VPS13B: variants seen among roughly 807,000 people sequenced by gnomAD.
VPS13B encodes the protein intermembrane lipid transfer protein VPS13B.
A neutral mutation model predicts 426.4 loss-of-function variants in VPS13B; 285 were observed. The observed-to-expected ratio is 0.67, with a 90% CI of 0.61 to 0.74. The LOEUF (loss-of-function observed/expected upper bound fraction) is 0.74. Among genes scored for constraint, VPS13B ranks in the 30% least tolerant of loss-of-function variants. VPS13B has a pLI of 0.00. For missense variants in VPS13B, 4,537 were observed against 4,782.6 expected (o/e 0.95, Z 1.51); for synonymous variants, 1,676 against 1,676.4 (o/e 1.00, Z 0.01).
chr8:99,076,554 T>C (rs1372436381), intron 3 of VPS13B, among the ~76,000 whole-genome samples: 1 of 152,038 alleles, frequency 6.6e-6, no homozygotes, highest in Non-Finnish European at 1.5e-5. Context: ...GGTGCATATA[T>C]ATTTAGAATT....
intron 3 of VPS13B, among the ~76,000 whole-genome samples, chr8:99,056,684 T>G (rs1843890256): frequency 6.6e-6 from 1 of 152,216 alleles, no homozygotes; most frequent in Admixed American, 6.5e-5. Context: ...CTTCTATTCC[T>G]CATCCTCATT....
chr8:99,547,791 A>G (rs2133745789), intron 30 of VPS13B, among the ~76,000 whole-genome samples: 1 of 152,180 alleles, frequency 6.6e-6, no homozygotes, highest in Admixed American at 6.5e-5. Flanking sequence ...TATAACTCCT[A>G]CATTGTAGCC....
At chr8:99,096,231 C>A in intron 3 of VPS13B, 81 bp from the exon 4 acceptor site, 1 of 1,512,922 alleles carries the variant, frequency 6.6e-7, no homozygotes, top group Non-Finnish European at 9.0e-7. Context: ...CTACCATAAA[C>A]TGCATATATT....
intron 19 of VPS13B, among the ~76,000 whole-genome samples, chr8:99,309,539 AT>A (rs1820835285): frequency 6.6e-6 from 1 of 152,126 alleles, no homozygotes; most frequent in Non-Finnish European, 1.5e-5. Context: ...CCATTGGTCT[AT>A]ATCTCTGTTT....
At chr8:99,362,173 C>T (rs1169011329) in intron 19 of VPS13B, among the ~76,000 whole-genome samples, 3 of 132,982 alleles carry the variant, frequency 2.3e-5, no homozygotes, top group African/African-American at 8.6e-5. Flanking sequence ...GACGGAGTCT[C>T]GCTCTGTCGC....
chr8:99,342,342 T>C (rs1195566991), intron 19 of VPS13B, among the ~76,000 whole-genome samples: 1 of 152,212 alleles, frequency 6.6e-6, no homozygotes. Context: ...ATCTCAACAC[T>C]TATGCCTCCT....
chr8:99,876,828 G>C lies in VPS13B; in HGVS notation c.*1162G>C, dbSNP rs1817721173. ...GTTACCTAGAATTTTGAGATACTAAGAGAATGCAATTTTAAATGCCCACTG... is the reference window on the plus strand; with the variant it reads ...GTTACCTAGAATTTTGAGATACTAACAGAATGCAATTTTAAATGCCCACTG... On this transcript the variant is annotated 3_prime_UTR_variant, in exon 62 of 62. Coordinates refer to ENST00000357162, the MANE Select transcript of VPS13B (RefSeq NM_152564.5). The C allele has an allele frequency of 6.6e-6, 1 of 152,126 alleles. No individual in the cohort carries two copies. Among genetic ancestry groups the C allele is most frequent in the Non-Finnish European group, 1.5e-5 (1 of 68,036 alleles). The allele number at this position is 152,126 out of a possible 1,614,324, so 9.4% of individuals were successfully genotyped here. A position where few individuals can be genotyped will look rare whatever the true frequency, so the allele number is the denominator to read the frequency against.
intron 19 of VPS13B, among the ~76,000 whole-genome samples, chr8:99,324,383 C>T (rs181496290): frequency 3.2e-4 from 49 of 152,252 alleles, no homozygotes; most frequent in Non-Finnish European, 4.1e-4. Context: ...TAATTTAATT[C>T]CAGCATTAGT....
chr8:99,302,128 C>T (rs1820399934), intron 19 of VPS13B, among the ~76,000 whole-genome samples: 1 of 152,118 alleles, frequency 6.6e-6, no homozygotes, highest in Non-Finnish European at 1.5e-5. Flanking sequence ...GTTCTGAAGT[C>T]ATTATTCTAG....
intron 2 of VPS13B, among the ~76,000 whole-genome samples, chr8:99,014,576 C>G (rs1841513766): frequency 6.7e-6 from 1 of 149,644 alleles, no homozygotes; most frequent in Non-Finnish European, 1.5e-5. Context: ...TTTATGTTGT[C>G]AAAATTCTGT....
intron 3 of VPS13B, among the ~76,000 whole-genome samples, chr8:99,055,044 G>GTTT (rs397779213): frequency 0.018 from 2,537 of 141,786 alleles, 42 homozygotes; most frequent in South Asian, 0.034. Flanking sequence ...TTTTTTTTTT[G>GTTT]TTTTTTTTTT....
At chr8:99,101,832 A>G (rs1846768103) in intron 4 of VPS13B, among the ~76,000 whole-genome samples, 1 of 152,232 alleles carries the variant, frequency 6.6e-6, no homozygotes, top group Non-Finnish European at 1.5e-5. Context: ...ACAGAAGTTG[A>G]TTATGTTTTG....
At chr8:99,142,081 TA>T (rs1326035315) in intron 12 of VPS13B, among the ~76,000 whole-genome samples, 1 of 151,944 alleles carries the variant, frequency 6.6e-6, no homozygotes, top group Non-Finnish European at 1.5e-5. Flanking sequence ...ATCAATCAAT[TA>T]ATCTAATTCA....
At chr8:99,085,280 G>A (rs1030893705) in intron 3 of VPS13B, among the ~76,000 whole-genome samples, 13 of 152,034 alleles carry the variant, frequency 8.6e-5, no homozygotes, top group Admixed American at 8.5e-4. Context: ...TGCAACCCCT[G>A]CCTTTTTTTG....
chr8:99,537,085 T>C (rs891086552), intron 30 of VPS13B, among the ~76,000 whole-genome samples: 1 of 152,196 alleles, frequency 6.6e-6, no homozygotes, highest in Non-Finnish European at 1.5e-5. Flanking sequence ...TAATCCTTTT[T>C]TTCAAATAAT....
At chr8:99,280,435 G>C (rs893288760) in intron 19 of VPS13B, among the ~76,000 whole-genome samples, 2 of 152,022 alleles carry the variant, frequency 1.3e-5, no homozygotes, top group Admixed American at 1.3e-4. Flanking sequence ...GTTCCATGAG[G>C]GCAGAATTAA....
chr8:99,731,793 G>A lies in VPS13B; in HGVS notation c.7050+10746G>A, dbSNP rs115450809. Among the ~76,000 whole-genome samples, 528 of 152,274 alleles carry A rather than the reference G, an allele frequency of 3.5e-3. 1 individual carries two copies. The highest frequency in any genetic ancestry group is 0.011 in the African/African-American group (476 of 41,568). ...GTAATTGCAAGATTTAAGCTCAGTGGGATGTGTGGCAAAAGCATTCACACA... is the reference window on the plus strand; with the variant it reads ...GTAATTGCAAGATTTAAGCTCAGTGAGATGTGTGGCAAAAGCATTCACACA... On this transcript the variant is annotated intron_variant, in intron 39 of 61. Transcript: ENST00000357162.
chr8:99,353,851 A>C (rs1004641115), intron 19 of VPS13B, among the ~76,000 whole-genome samples: 5 of 152,156 alleles, frequency 3.3e-5, no homozygotes, highest in African/African-American at 1.2e-4. Flanking sequence ...ATGAAAAATA[A>C]AAACTTCGAA....
At chr8:99,336,457 A>C (rs1417887666) in intron 19 of VPS13B, among the ~76,000 whole-genome samples, 1 of 152,210 alleles carries the variant, frequency 6.6e-6, no homozygotes, top group East Asian at 1.9e-4. Context: ...GGCATGGGCA[A>C]GGACTTCATG....
Sources: allele counts gnomAD v4.1 joint callset (sites outside exome capture counted in the v4.1 genomes callset), GRCh38; gene constraint gnomAD v4.1.1; transcripts MANE v1.5; gene names NCBI Gene and HGNC (gene_info 2026-07-23, HGNC 2026-07-21).